Variants in MARK4 observed in about 807,000 individuals in gnomAD.
MARK4 encodes the protein MAP/microtubule affinity-regulating kinase 4.
In MARK4, 19 loss-of-function variants were observed where a neutral mutation model predicts 81.5. The observed-to-expected ratio is 0.23, with a 90% CI of 0.16 to 0.34. MARK4 has a LOEUF of 0.34. Ranked by LOEUF, MARK4 falls within the 10% of genes least tolerant of loss-of-function variation. The pLI is 1.00. For missense variants in MARK4, 772 were observed against 1,058.8 expected (o/e 0.73, Z 3.76); for synonymous variants, 436 against 439.0 (o/e 0.99, Z 0.08).
intron 8 of MARK4, among the ~76,000 whole-genome samples, chr19:45,274,056 T>C (rs1970567177): frequency 6.6e-6 from 1 of 151,378 alleles, no homozygotes; most frequent in African/African-American, 2.4e-5. Context: ...GAGACCATCC[T>C]GGCTAACACA....
intron 8 of MARK4, among the ~76,000 whole-genome samples, chr19:45,277,507 CT>C (rs1244951641): frequency 6.8e-6 from 1 of 147,844 alleles, no homozygotes; most frequent in African/African-American, 2.5e-5. Flanking sequence ...TCAAGCTATC[CT>C]CCTCCCTCGG....
In MARK4 at chr19:45,294,419, G is replaced by A. The variant is rs146014354; in HGVS notation, c.1565G>A (p.Arg522His). ...YVCTERPGAERPSLLPNGKEN... is the reference protein window; with the variant it reads ...YVCTERPGAEHPSLLPNGKEN... ...TGCACAGAACGCCCGGGGGCTGAGC[G>A]CCCGTCACTGTTGCCAAATGGGAAA... is the stretch of plus-strand genomic sequence containing the variant. Residue 522 changes from arginine (R) to histidine (H), a missense_variant, in exon 14 of 17, where the codon CGC becomes CAC. Transcript: ENST00000262891. The A allele has an allele frequency of 4.2e-5, 68 of 1,613,984 alleles. No individual in the cohort carries two copies. Among genetic ancestry groups the A allele is most frequent in the Non-Finnish European group, 5.3e-5 (63 of 1,180,022 alleles).
intron 12 of MARK4, among the ~76,000 whole-genome samples, chr19:45,285,791 A>G (rs10404239): frequency 0.023 from 3,489 of 152,240 alleles, 115 homozygotes; most frequent in African/African-American, 0.078. Context: ...ACTTCTGAGC[A>G]TGTATCGCTC....
chr19:45,278,739 G>T, intron 10 of MARK4, 124 bp downstream of exon 10: 2 of 711,018 alleles, frequency 2.8e-6, no homozygotes, highest in South Asian at 3.6e-5. Flanking sequence ...AAGTAGCTGG[G>T]ACCACAGGCG....
At chr19:45,265,004 G>C in intron 6 of MARK4, 94 bp downstream of exon 6, 1 of 1,271,756 alleles carries the variant, frequency 7.9e-7, no homozygotes, top group South Asian at 1.3e-5. Flanking sequence ...CCAGCGACCT[G>C]GGGGCGGGGC....
intron 8 of MARK4, among the ~76,000 whole-genome samples, chr19:45,272,685 C>T (rs1033643057): frequency 1.3e-5 from 2 of 151,968 alleles, no homozygotes; most frequent in Admixed American, 6.6e-5. Flanking sequence ...GTCAGGAGTT[C>T]GAGACCAGCC....
intron 10 of MARK4, 75 bp from the exon 11 acceptor site, chr19:45,280,299 C>A: frequency 7.4e-7 from 1 of 1,354,128 alleles, no homozygotes; most frequent in Non-Finnish European, 1.1e-6. Flanking sequence ...GACACCCTGT[C>A]TCAAAAAAAA....
chr19:45,279,083 G>A (rs1006633936), intron 10 of MARK4, among the ~76,000 whole-genome samples: 1 of 152,044 alleles, frequency 6.6e-6, no homozygotes, highest in African/African-American at 2.4e-5. Context: ...AAATTAGCCA[G>A]TTGTGGTTGT....
At chr19:45,280,003 A>G (rs1409617552) in intron 10 of MARK4, 2 of 200,258 alleles carry the variant, frequency 1.0e-5, no homozygotes. Context: ...TTGGGAAGGG[A>G]GGATGGGTAC....
chr19:45,263,391 G>A (rs375215465), intron 4 of MARK4, 24 bp downstream of exon 4: 2 of 1,614,084 alleles, frequency 1.2e-6, no homozygotes, highest in Non-Finnish European at 1.7e-6. Context: ...GGGAGCAGGG[G>A]CAGGCCACCA....
chr19:45,264,864 C>T lies in MARK4; in HGVS notation c.446C>T (p.Ser149Leu), dbSNP rs756211354. The T allele has an allele frequency of 1.7e-5, 28 of 1,613,980 alleles. No homozygotes were observed. Among genetic ancestry groups the T allele is most frequent in the South Asian group, 7.7e-5 (7 of 91,066 alleles). Residue 149 changes from serine (S) to leucine (L), a missense_variant, in exon 6 of 17, where the codon TCG becomes TTG. Transcript: ENST00000262891. ...SAGEVFDYLV[S>L]HGRMKEKEAR... Reference sequence around the variant, plus strand: ...GGAGAAGTGTTTGACTACCTCGTGTCGCATGGCCGCATGAAGGAGAAGGAA... The same window carrying T: ...GGAGAAGTGTTTGACTACCTCGTGTTGCATGGCCGCATGAAGGAGAAGGAA...
chr19:45,298,175 C>G (rs1758844449), intron 15 of MARK4: 1 of 1,614,090 alleles, frequency 6.2e-7, no homozygotes, highest in Non-Finnish European at 8.5e-7. Flanking sequence ...CGGCAGAACT[C>G]TAACCGCTGT....
intron 2 of MARK4, among the ~76,000 whole-genome samples, chr19:45,262,116 G>A (rs1970388315): frequency 6.6e-6 from 1 of 152,088 alleles, no homozygotes; most frequent in Non-Finnish European, 1.5e-5. Context: ...TGTAACTTTG[G>A]CCAAATGACT....
chr19:45,255,097 G>A (rs1236840560), intron 1 of MARK4, among the ~76,000 whole-genome samples: 6 of 152,174 alleles, frequency 3.9e-5, no homozygotes, highest in Middle Eastern at 3.4e-3. Context: ...AGCTACTCAG[G>A]AGCCTGAGAT....
At chr19:45,260,677 A>G (rs1409518200) in intron 2 of MARK4, among the ~76,000 whole-genome samples, 2 of 151,772 alleles carry the variant, frequency 1.3e-5, no homozygotes, top group African/African-American at 4.8e-5. Flanking sequence ...AGCCTGGGTG[A>G]CAGAGCAAGA....
chr19:45,254,926 C>A (rs143987673), intron 1 of MARK4, among the ~76,000 whole-genome samples: 1 of 152,164 alleles, frequency 6.6e-6, no homozygotes, highest in Non-Finnish European at 1.5e-5. Flanking sequence ...CATGACCCAG[C>A]GTGGTAGCTC....
intron 8 of MARK4, among the ~76,000 whole-genome samples, chr19:45,273,773 G>A (rs1030711785): frequency 3.9e-5 from 6 of 152,224 alleles, no homozygotes; most frequent in African/African-American, 9.6e-5. Context: ...TGCGTTGCCC[G>A]TGAGGAGCAC....
intron 14 of MARK4, among the ~76,000 whole-genome samples, chr19:45,296,636 G>A (rs1377060768): frequency 6.6e-6 from 1 of 152,258 alleles, no homozygotes. Flanking sequence ...ACTCTTAGGG[G>A]TTTGGTTACC....
At chr19:45,289,785 A>AAAAC in intron 13 of MARK4, among the ~76,000 whole-genome samples, 1 of 151,900 alleles carries the variant, frequency 6.6e-6, no homozygotes, top group Non-Finnish European at 1.5e-5. Flanking sequence ...AAAACAAAAC[A>AAAAC]AAACAAAAAG....
Sources: allele counts gnomAD v4.1 joint callset (sites outside exome capture counted in the v4.1 genomes callset), GRCh38; gene constraint gnomAD v4.1.1; transcripts MANE v1.5; gene names NCBI Gene and HGNC (gene_info 2026-07-23, HGNC 2026-07-21).